PRKN: variants seen among roughly 807,000 people sequenced by gnomAD.
The protein encoded by PRKN is E3 ubiquitin-protein ligase parkin.
PRKN carries 56 observed loss-of-function variants against 59.5 expected under a neutral mutation model. The observed-to-expected ratio is 0.94, with a 90% CI of 0.76 to 1.18. The LOEUF (loss-of-function observed/expected upper bound fraction) is 1.18, where lower values mean the gene tolerates loss of function less well. Among genes scored for constraint, PRKN ranks in the 50% most tolerant of loss-of-function variants. The pLI, the probability that PRKN is intolerant of heterozygous loss-of-function variation, is 0.00. For synonymous variants in PRKN, 250 were observed against 222.1 expected, an observed-to-expected ratio of 1.13 and a Z score of -1.12; for missense variants, 657 against 596.4, an observed-to-expected ratio of 1.10 and a Z score of -1.06.
chr6:162,101,368 G>C (rs1296782190), intron 4 of PRKN, among the ~76,000 whole-genome samples: 4 of 151,342 alleles, frequency 2.6e-5, no homozygotes. Flanking sequence ...TGGCGTCTTT[G>C]TCAAAAACCA....
At chr6:162,725,351 A>G (rs1431413511) in intron 1 of PRKN, among the ~76,000 whole-genome samples, 3 of 152,190 alleles carry the variant, frequency 2.0e-5, no homozygotes, top group African/African-American at 7.2e-5. Context: ...TTTTGTCACA[A>G]AAACACAAAA....
At chr6:162,300,089 A>G (rs1256216182) in intron 2 of PRKN, among the ~76,000 whole-genome samples, 1 of 152,178 alleles carries the variant, frequency 6.6e-6, no homozygotes, top group African/African-American at 2.4e-5. Flanking sequence ...GAATCAGAGC[A>G]GTAGCTGCAA....
intron 1 of PRKN, among the ~76,000 whole-genome samples, chr6:162,631,244 T>C (rs1783097784): frequency 6.6e-6 from 1 of 152,166 alleles, no homozygotes; most frequent in Admixed American, 6.5e-5. Context: ...TCCACTACAG[T>C]CCATGTGCAC....
chr6:161,744,075 G>A (rs997987206), intron 7 of PRKN, among the ~76,000 whole-genome samples: 11 of 152,044 alleles, frequency 7.2e-5, no homozygotes, highest in Admixed American at 6.6e-4. Flanking sequence ...TAGAAGAGTA[G>A]AGCTCATGGA....
At chr6:161,771,362 AAAAAAAAAATAAAAT>A (rs1246784916) in intron 7 of PRKN, among the ~76,000 whole-genome samples, 1 of 88,154 alleles carries the variant, frequency 1.1e-5, no homozygotes, top group Non-Finnish European at 2.4e-5. Context: ...CCTCAAAAAA[AAAAAAAAAATAAAAT>A]AAAATAAAAT....
intron 7 of PRKN, among the ~76,000 whole-genome samples, chr6:161,697,749 T>TA (rs1242663344): frequency 6.6e-6 from 1 of 152,184 alleles, no homozygotes; most frequent in Non-Finnish European, 1.5e-5. Flanking sequence ...CCATGACCTT[T>TA]AAGTTGAAAA....
In PRKN at chr6:161,530,884, T is replaced by C. The variant is rs1040624081; in HGVS notation, c.1083+17970A>G. On this transcript the variant is annotated intron_variant, in intron 9 of 11. Transcript: ENST00000366898. This position sits in a 1 kb window ranked among gnomAD's most constrained non-coding sequence, Gnocchi z 5.0. ...TCTACTTCAGAGAACAGACCAATTT[T>C]TAGAGAGCTTCAACAATTTCTTTCT... Among the ~76,000 whole-genome samples the C allele has an allele frequency of 6.6e-6, 1 of 152,176 alleles. No homozygotes were observed. Among genetic ancestry groups the C allele is most frequent in the Non-Finnish European group, 1.5e-5 (1 of 68,034 alleles).
chr6:161,898,902 G>T (rs1407273902), intron 6 of PRKN, among the ~76,000 whole-genome samples: 1 of 152,212 alleles, frequency 6.6e-6, no homozygotes, highest in Non-Finnish European at 1.5e-5. Context: ...GGGGAATAAT[G>T]TCTAAAAGGC....
chr6:162,179,120 C>T (rs902125188), intron 4 of PRKN, among the ~76,000 whole-genome samples: 12 of 152,148 alleles, frequency 7.9e-5, no homozygotes, highest in African/African-American at 2.2e-4. Flanking sequence ...CTTCAAGCAA[C>T]GCTCCTGCCT....
chr6:161,638,361 C>T (rs1157768149), intron 7 of PRKN, among the ~76,000 whole-genome samples: 1 of 152,150 alleles, frequency 6.6e-6, no homozygotes, highest in Non-Finnish European at 1.5e-5. Flanking sequence ...TCTCGAACTC[C>T]TCAGCTCAGG....
Position 162,253,041 on chromosome 6 carries a change from T to C in PRKN, c.412+9484A>G, listed in dbSNP as rs765058499. 1.6e-4 allele frequency among the ~76,000 whole-genome samples: 24 copies of C among 152,342 alleles called. No homozygotes were observed. The South Asian group carries it at 1.9e-3, about 12-fold the overall frequency. ...GCCTTCCAGCGGGCAGCCTACCACC[T>C]GCGTGTGCTATTCTGGTGGCCAGGA... On this transcript the variant is annotated intron_variant, in intron 3 of 11. Transcript: ENST00000366898.
intron 5 of PRKN, among the ~76,000 whole-genome samples, chr6:162,027,008 A>G (rs1268496215): frequency 2.0e-5 from 3 of 152,184 alleles, no homozygotes; most frequent in Non-Finnish European, 4.4e-5. Context: ...GTTAATAGAT[A>G]ATGAAACTAA....
chr6:162,154,934 A>G (rs1782439666), intron 4 of PRKN, among the ~76,000 whole-genome samples: 1 of 151,730 alleles, frequency 6.6e-6, no homozygotes, highest in South Asian at 2.1e-4. Context: ...TACCAAAATG[A>G]AGGACATTAA....
At chr6:162,060,492 G>A (rs186549452) in intron 4 of PRKN, among the ~76,000 whole-genome samples, 3 of 152,288 alleles carry the variant, frequency 2.0e-5, no homozygotes, top group African/African-American at 7.2e-5. Context: ...CAGAGGGAAA[G>A]CATTGATAAA....
At chr6:162,449,926 C>T (rs949603887) in intron 1 of PRKN, among the ~76,000 whole-genome samples, 2 of 152,248 alleles carry the variant, frequency 1.3e-5, no homozygotes, top group Non-Finnish European at 1.5e-5. Context: ...AGTACAGTTA[C>T]GTAAAGGGAG....
At chr6:161,814,281 G>T (rs1055496252) in intron 6 of PRKN, among the ~76,000 whole-genome samples, 2 of 152,174 alleles carry the variant, frequency 1.3e-5, no homozygotes, top group African/African-American at 4.8e-5. Context: ...TGTCCAGACT[G>T]ACATAACGGT....
At chr6:162,363,253 A>G (rs1371674254) in intron 2 of PRKN, among the ~76,000 whole-genome samples, 1 of 152,034 alleles carries the variant, frequency 6.6e-6, no homozygotes, top group Non-Finnish European at 1.5e-5. Flanking sequence ...TGTTCTGCAG[A>G]GGCAATTCAA....
At chr6:162,252,554 C>G (rs1019661180) in intron 3 of PRKN, among the ~76,000 whole-genome samples, 1 of 152,200 alleles carries the variant, frequency 6.6e-6, no homozygotes, top group African/African-American at 2.4e-5. Context: ...GTGATTAGGT[C>G]ATGAGTATGG....
chr6:161,440,060 C>T lies in PRKN; in HGVS notation c.1084-53183G>A, dbSNP rs1316666519. Among the ~76,000 whole-genome samples, 1 of 151,906 alleles carries T rather than the reference C, an allele frequency of 6.6e-6. No homozygotes were observed. Among genetic ancestry groups the T allele is most frequent in the Admixed American group, 6.6e-5 (1 of 15,238 alleles). ...CCACCTCCCGGGTTCATGCTACTCTCCTGCCTCAGCCTCCTGAGTAGCTGG... is the reference window on the plus strand; with the variant it reads ...CCACCTCCCGGGTTCATGCTACTCTTCTGCCTCAGCCTCCTGAGTAGCTGG... On this transcript the variant is annotated intron_variant, in intron 9 of 11. Transcript: ENST00000366898. This position sits in a 1 kb window ranked among gnomAD's most constrained non-coding sequence, Gnocchi z 4.1.
Sources: allele counts gnomAD v4.1 joint callset (sites outside exome capture counted in the v4.1 genomes callset), GRCh38; gene constraint gnomAD v4.1.1; non-coding constraint Gnocchi (gnomAD v3.1); transcripts MANE v1.5; gene names NCBI Gene and HGNC (gene_info 2026-07-23, HGNC 2026-07-21).